The following CLDN2 variants were observed in gnomAD, a reference collection of about 807,000 sequenced individuals.
The protein encoded by CLDN2 is claudin 2.
Under a neutral mutation model 8.2 loss-of-function variants are expected in CLDN2, and 1 was observed. That is an observed-to-expected ratio of 0.12 (90% CI 0.04 to 0.58). CLDN2 has a LOEUF of 0.58. Ranked by LOEUF, CLDN2 falls within the 20% of genes least tolerant of loss-of-function variation. The pLI is 0.90. For missense variants in CLDN2, 108 were observed against 172.9 expected, an observed-to-expected ratio of 0.62 and a Z score of 2.11; for synonymous variants, 70 against 70.2, an observed-to-expected ratio of 1.00 and a Z score of 0.01.
chrX:106,923,823 G>A (rs1020447749), intron 1 of CLDN2, among the ~76,000 whole-genome samples: 5 of 111,532 alleles, frequency 4.5e-5, no homozygotes, highest in African/African-American at 1.6e-4. Flanking sequence ...CACTGGCATG[G>A]AGACAGAGAG....
chrX:106,922,118 A>G (rs936018452), intron 1 of CLDN2, among the ~76,000 whole-genome samples: 1 of 111,962 alleles, frequency 8.9e-6, no homozygotes, highest in Non-Finnish European at 1.9e-5. Context: ...TGATTCTAAC[A>G]CCAGGACCCT....
intron 1 of CLDN2, among the ~76,000 whole-genome samples, chrX:106,911,098 T>C (rs1268654450): frequency 8.9e-6 from 1 of 111,904 alleles, no homozygotes; most frequent in Admixed American, 9.5e-5. Flanking sequence ...CAGGCCTAGG[T>C]TGGAAGCCTT....
upstream of CLDN2, among the ~76,000 whole-genome samples, chrX:106,916,448 G>A (rs1361519085): frequency 9.0e-6 from 1 of 111,140 alleles, no homozygotes; most frequent in Non-Finnish European, 1.9e-5. Flanking sequence ...GGAGAGCTAG[G>A]TAGGGGCCAA....
At chrX:106,918,138 G>A (rs759147255), upstream of CLDN2, among the ~76,000 whole-genome samples, 3 of 112,152 alleles carry the variant, frequency 2.7e-5, no homozygotes, top group African/African-American at 9.7e-5. Flanking sequence ...CTGATAAGGT[G>A]CCCCTCTACT....
At chrX:106,914,119 A>G (rs763858005), upstream of CLDN2, among the ~76,000 whole-genome samples, 3 of 107,655 alleles carry the variant, frequency 2.8e-5, no homozygotes, top group South Asian at 1.3e-3. Context: ...CGCCCGGCTA[A>G]TTTTTGCATT....
upstream of CLDN2, among the ~76,000 whole-genome samples, chrX:106,915,873 T>A (rs1933303926): frequency 1.8e-5 from 2 of 110,862 alleles, no homozygotes; most frequent in Non-Finnish European, 3.8e-5. Flanking sequence ...ACCCATCTAG[T>A]GTTTCCCTTC....
At chrX:106,919,097 C>G (rs146932781), upstream of CLDN2, among the ~76,000 whole-genome samples, 1 of 112,102 alleles carries the variant, frequency 8.9e-6, no homozygotes, top group Admixed American at 9.5e-5. Context: ...GCAGCCATGA[C>G]AGAATGATGT....
intron 1 of CLDN2, among the ~76,000 whole-genome samples, chrX:106,912,335 A>G (rs1165405805): frequency 9.0e-6 from 1 of 110,583 alleles, no homozygotes; most frequent in African/African-American, 3.3e-5. Context: ...TGCATACTGA[A>G]GTGCAATTGT....
At position 106,928,801 on chromosome X, in the gene CLDN2, C is replaced by T. The variant is rs918298567; in HGVS notation, c.573C>T (p.Arg191=). The change falls in exon 2 of 2, where the codon CGC becomes CGT. Residue 191 remains arginine (R), a synonymous_variant. Transcript: ENST00000336803. ...TTTCCTGCTCATCCCAGAGAAATCG[C>T]TCCAACTACTACGATGCCTACCAAG... is the stretch of plus-strand genomic sequence containing the variant. ...LCFSCSSQRN[R]SNYYDAYQAQ... 1.7e-6 allele frequency: 2 copies of T among 1,211,415 alleles called. No homozygotes were observed. Among genetic ancestry groups the T allele is most frequent in the Non-Finnish European group, 2.2e-6 (2 of 895,268 alleles).
At position 106,901,568 on chromosome X, in the gene CLDN2, C is replaced by A. The variant is rs193137729; in HGVS notation, c.-179+1064C>A. Reference sequence around the variant, plus strand: ...CCAAAGCAAAAGCTAGCATGTGGCTCAAAGTACATGGCTAGATAACTTCCT... The same window carrying A: ...CCAAAGCAAAAGCTAGCATGTGGCTAAAAGTACATGGCTAGATAACTTCCT... On this transcript the variant is annotated intron_variant, in intron 1 of 1. Coordinates refer to the CLDN2 transcript ENST00000541806. The A allele has an allele frequency of 2.3e-4, 278 of 1,192,484 alleles. No individual in the cohort carries two copies. The African/African-American group carries it at 4.4e-3, about 19-fold the overall frequency.
chrX:106,926,682 GC>G (rs1331971930), intron 1 of CLDN2, among the ~76,000 whole-genome samples: 2 of 108,040 alleles, frequency 1.9e-5, no homozygotes, highest in African/African-American at 6.8e-5. Flanking sequence ...GGGCAACATG[GC>G]AAAACCTGGT....
intron 1 of CLDN2, chrX:106,903,274 G>A: frequency 1.7e-6 from 2 of 1,204,126 alleles, no homozygotes; most frequent in Non-Finnish European, 2.2e-6. Context: ...AGCAGCACAG[G>A]CAGCAGAGTC....
At chrX:106,920,891 G>A (rs1430620869) in intron 1 of CLDN2, among the ~76,000 whole-genome samples, 2 of 111,893 alleles carry the variant, frequency 1.8e-5, no homozygotes, top group Non-Finnish European at 3.8e-5. Context: ...GGGGACTGAG[G>A]AGTGGCAGAA....
intron 1 of CLDN2, among the ~76,000 whole-genome samples, chrX:106,910,481 G>A (rs902047794): frequency 6.4e-5 from 7 of 109,834 alleles, no homozygotes; most frequent in African/African-American, 2.3e-4. Flanking sequence ...CCCGAGGTGG[G>A]CAGATCACCT....
At chrX:106,905,424 T>C (rs1933166189) in intron 1 of CLDN2, among the ~76,000 whole-genome samples, 1 of 112,030 alleles carries the variant, frequency 8.9e-6, no homozygotes, top group African/African-American at 3.2e-5. Context: ...AAGAGGGAAA[T>C]CTTGTGGGGA....
In CLDN2 at chrX:106,928,369, C is replaced by T; in HGVS notation, c.141C>T (p.Ser47=). ...GCATTGTGACAGCAGTTGGCTTCTC[C>T]AAGGGCCTCTGGATGGAATGTGCCA... The part of the protein sequence containing the change: ...GASIVTAVGF[S]KGLWMECATH... Residue 47 remains serine (S), a synonymous_variant, in exon 2 of 2, where the codon TCC becomes TCT. Coordinates refer to ENST00000336803, the MANE Select transcript of CLDN2 (RefSeq NM_020384.4). 8.3e-7 allele frequency: 1 copy of T among 1,212,055 alleles called. No individual in the cohort carries two copies. Among genetic ancestry groups the T allele is most frequent in the East Asian group, 3.0e-5 (1 of 33,835 alleles).
At chrX:106,907,962 T>C (rs1292427470) in intron 1 of CLDN2, among the ~76,000 whole-genome samples, 1 of 111,506 alleles carries the variant, frequency 9.0e-6, no homozygotes, top group Non-Finnish European at 1.9e-5. Context: ...TTCCAATGGG[T>C]ATCTCAAACT....
chrX:106,916,914 G>A (rs911486016), upstream of CLDN2, among the ~76,000 whole-genome samples: 2 of 111,729 alleles, frequency 1.8e-5, no homozygotes, highest in African/African-American at 6.5e-5. Flanking sequence ...GCTGGGCGTG[G>A]CGGCACATGC....
chrX:106,913,712 A>C (rs1933274525), upstream of CLDN2, among the ~76,000 whole-genome samples: 1 of 110,487 alleles, frequency 9.1e-6, no homozygotes, highest in African/African-American at 3.3e-5. Context: ...TCTTATCTGG[A>C]GGCTCTGGGG....
Sources: gnomAD v4.1 joint callset for allele counts (sites outside exome capture counted in the v4.1 genomes callset) on GRCh38, gnomAD v4.1.1 for gene constraint, MANE v1.5 for transcripts, NCBI Gene and HGNC (gene_info 2026-07-23, HGNC 2026-07-21) for gene names.